The following EYS variants were observed in gnomAD, a reference collection of about 807,000 sequenced individuals.
The protein encoded by EYS is EGF-like photoreceptor maintenance factor.
A neutral mutation model predicts 282.1 loss-of-function variants in EYS; 250 were observed. That is an observed-to-expected ratio of 0.89 (90% CI 0.80 to 0.98). The LOEUF is 0.98. Ranked by LOEUF, EYS falls within the 50% of genes least tolerant of loss-of-function variation. EYS has a pLI of 0.00. For missense variants in EYS, 4,016 were observed against 3,709.0 expected (o/e 1.08, Z -2.15); for synonymous variants, 1,355 against 1,282.9 (o/e 1.06, Z -1.20).
intron 5 of EYS, among the ~76,000 whole-genome samples, chr6:65,441,918 C>G (rs1057374813): frequency 1.3e-5 from 2 of 151,916 alleles, no homozygotes; most frequent in African/African-American, 4.8e-5. Flanking sequence ...TATCTGAAGC[C>G]GTTAAATTTG....
intron 13 of EYS, among the ~76,000 whole-genome samples, chr6:65,020,060 G>A (rs1236119526): frequency 6.6e-6 from 1 of 152,056 alleles, no homozygotes; most frequent in Non-Finnish European, 1.5e-5. Flanking sequence ...TGGGGATTAT[G>A]GGAACTACAA....
intron 5 of EYS, among the ~76,000 whole-genome samples, chr6:65,487,032 G>C (rs1765808674): frequency 6.6e-6 from 1 of 152,174 alleles, no homozygotes; most frequent in African/African-American, 2.4e-5. Context: ...TTTGTATCCT[G>C]AGACTTTGCT....
intron 15 of EYS, among the ~76,000 whole-genome samples, chr6:64,945,124 T>TAAA (rs763133866): frequency 4.5e-5 from 5 of 112,284 alleles, no homozygotes; most frequent in Non-Finnish European, 3.7e-5. Flanking sequence ...GTTTCTCTAT[T>TAAA]AAAAAAAAAA....
chr6:64,695,041 T>C (rs539709338), intron 22 of EYS, among the ~76,000 whole-genome samples: 9 of 152,134 alleles, frequency 5.9e-5, no homozygotes, highest in African/African-American at 2.2e-4. Flanking sequence ...GTTGCTGTGC[T>C]CTTCTATGGA....
chr6:64,009,898 T>A (rs965943966), intron 33 of EYS, among the ~76,000 whole-genome samples: 1 of 152,108 alleles, frequency 6.6e-6, no homozygotes, highest in African/African-American at 2.4e-5. Flanking sequence ...TTTGGATGTG[T>A]TTTTGGTTTG....
intron 5 of EYS, among the ~76,000 whole-genome samples, chr6:65,442,969 T>C (rs1354028385): frequency 6.6e-6 from 1 of 150,390 alleles, no homozygotes; most frequent in Non-Finnish European, 1.5e-5. Flanking sequence ...TATGTACATA[T>C]ATGTATATAT....
chr6:65,185,150 A>G (rs1342119207), intron 12 of EYS, among the ~76,000 whole-genome samples: 1 of 151,728 alleles, frequency 6.6e-6, no homozygotes, highest in Non-Finnish European at 1.5e-5. Flanking sequence ...ATCCACTAAA[A>G]TATTAACAGT....
chr6:65,510,476 T>C (rs1239719453), intron 2 of EYS, among the ~76,000 whole-genome samples: 1 of 152,082 alleles, frequency 6.6e-6, no homozygotes, highest in Non-Finnish European at 1.5e-5. Context: ...GGGATATACA[T>C]TTTTAAAACT....
intron 19 of EYS, among the ~76,000 whole-genome samples, chr6:64,830,673 G>C (rs552734598): frequency 6.6e-6 from 1 of 151,962 alleles, no homozygotes; most frequent in Non-Finnish European, 1.5e-5. Flanking sequence ...ATCCCTGAAA[G>C]TGATCTTGTC....
chr6:65,666,957 T>TAAA (rs200796849), intron 1 of EYS, among the ~76,000 whole-genome samples: 1 of 141,286 alleles, frequency 7.1e-6, no homozygotes, highest in Non-Finnish European at 1.6e-5. Flanking sequence ...CCACCCAATG[T>TAAA]AAAAAAAAAA....
chr6:65,265,407 T>C (rs984542757), intron 12 of EYS, among the ~76,000 whole-genome samples: 3 of 152,044 alleles, frequency 2.0e-5, no homozygotes, highest in Non-Finnish European at 2.9e-5. Flanking sequence ...GCAGGGACTA[T>C]GGTTTGCTAT....
chr6:63,784,800 C>T (rs1192501268), intron 39 of EYS, among the ~76,000 whole-genome samples: 3 of 152,104 alleles, frequency 2.0e-5, no homozygotes, highest in Non-Finnish European at 4.4e-5. Context: ...GTAAAAAATT[C>T]AGTTATTATT....
chr6:64,537,718 C>T (rs540708665), intron 26 of EYS, among the ~76,000 whole-genome samples: 7 of 152,216 alleles, frequency 4.6e-5, no homozygotes, highest in African/African-American at 1.7e-4. Context: ...GTTTTTCTGA[C>T]AATTTTGTTA....
intron 41 of EYS, among the ~76,000 whole-genome samples, chr6:63,734,085 A>C (rs1768848668): frequency 6.6e-6 from 1 of 152,196 alleles, no homozygotes; most frequent in Non-Finnish European, 1.5e-5. Context: ...ACACATGGAC[A>C]TAAAGATGGG....
intron 33 of EYS, among the ~76,000 whole-genome samples, chr6:64,038,131 G>T (rs1272350095): frequency 6.6e-6 from 1 of 151,926 alleles, no homozygotes; most frequent in East Asian, 1.9e-4. Flanking sequence ...AGAGGCTGGG[G>T]TGGTTGAGGC....
intron 2 of EYS, among the ~76,000 whole-genome samples, chr6:65,596,547 G>A (rs564602293): frequency 6.6e-6 from 1 of 152,066 alleles, no homozygotes; most frequent in South Asian, 2.1e-4. Context: ...TGAAAGACAG[G>A]AGCAGGCACT....
chr6:65,261,842 G>C (rs1290284970), intron 12 of EYS, among the ~76,000 whole-genome samples: 1 of 151,932 alleles, frequency 6.6e-6, no homozygotes, highest in Non-Finnish European at 1.5e-5. Context: ...ATACAAAAAT[G>C]TTTACTGTTT....
At chr6:64,165,468 T>C (rs1021787836) in intron 31 of EYS, among the ~76,000 whole-genome samples, 4 of 152,158 alleles carry the variant, frequency 2.6e-5, no homozygotes, top group Non-Finnish European at 5.9e-5. Context: ...CAAGTCTTCA[T>C]ATTTACTTTG....
At chr6:64,157,923 C>T (rs562589121) in intron 31 of EYS, among the ~76,000 whole-genome samples, 2 of 152,266 alleles carry the variant, frequency 1.3e-5, no homozygotes, top group Admixed American at 6.5e-5. Context: ...AGAAGAGGGC[C>T]ACTGTCCTCC....
Sources: gnomAD v4.1 joint callset for allele counts (sites outside exome capture counted in the v4.1 genomes callset) on GRCh38, gnomAD v4.1.1 for gene constraint, MANE v1.5 for transcripts, NCBI Gene and HGNC (gene_info 2026-07-23, HGNC 2026-07-21) for gene names.